Variants in DOCK1 observed in about 807,000 individuals in gnomAD.
DOCK1 encodes the protein dedicator of cytokinesis protein 1.
DOCK1 carries 138 observed loss-of-function variants against 262.7 expected under a neutral mutation model. The ratio of observed to expected loss-of-function variants is 0.53; its 90% CI spans 0.46 to 0.61. DOCK1 has a LOEUF of 0.61. Among genes scored for constraint, DOCK1 ranks in the 20% least tolerant of loss-of-function variants. The pLI is 0.00. For missense variants in DOCK1, 1,908 were observed against 2,370.7 expected, an observed-to-expected ratio of 0.80 and a Z score of 4.05; for synonymous variants, 866 against 867.4, an observed-to-expected ratio of 1.00 and a Z score of 0.03.
At chr10:127,216,232 T>C (rs1022914539) in intron 27 of DOCK1, among the ~76,000 whole-genome samples, 5 of 151,664 alleles carry the variant, frequency 3.3e-5, no homozygotes, top group African/African-American at 1.2e-4. Context: ...TCATTATATA[T>C]GCTTTTAAGT....
intron 33 of DOCK1, among the ~76,000 whole-genome samples, chr10:127,366,797 A>G (rs1367611118): frequency 6.6e-6 from 1 of 152,190 alleles, no homozygotes; most frequent in Non-Finnish European, 1.5e-5. Context: ...CTCCTCTGCC[A>G]TAAGCCCAGT....
intron 27 of DOCK1, chr10:127,135,471 C>T (rs1592156240): frequency 6.5e-6 from 1 of 152,710 alleles, no homozygotes; most frequent in Middle Eastern, 3.4e-3. Context: ...AAGAACTTAA[C>T]GACAAGTATA....
chr10:127,040,722 C>T (rs1485195630), intron 19 of DOCK1, among the ~76,000 whole-genome samples: 1 of 152,190 alleles, frequency 6.6e-6, no homozygotes, highest in Non-Finnish European at 1.5e-5. Context: ...GATGTCCTTG[C>T]TGTGTGATCA....
chr10:127,424,493 G>A (rs2068697195), intron 46 of DOCK1, among the ~76,000 whole-genome samples: 1 of 152,178 alleles, frequency 6.6e-6, no homozygotes, highest in African/African-American at 2.4e-5. Flanking sequence ...TAGGGTGGCT[G>A]TGCTTTCACC....
chr10:127,335,551 A>ATT (rs879722741), intron 29 of DOCK1, among the ~76,000 whole-genome samples: 2 of 133,196 alleles, frequency 1.5e-5, no homozygotes, highest in African/African-American at 5.4e-5. Context: ...TAACTAATAG[A>ATT]TTTTTTTTTT....
chr10:126,939,094 AG>A (rs1292042410), intron 1 of DOCK1, among the ~76,000 whole-genome samples: 2 of 150,630 alleles, frequency 1.3e-5, no homozygotes, highest in African/African-American at 4.9e-5. Context: ...CGAGCACCGG[AG>A]GGGATGAACA....
chr10:127,431,889 G>T (rs553450739), intron 47 of DOCK1, among the ~76,000 whole-genome samples: 1 of 152,180 alleles, frequency 6.6e-6, no homozygotes, highest in South Asian at 2.1e-4. Context: ...TCTGTGGCCC[G>T]TTAGGAACTG....
At chr10:127,137,564 T>G in intron 27 of DOCK1, 1 of 339,280 alleles carries the variant, frequency 2.9e-6, no homozygotes, top group Non-Finnish European at 5.3e-6. Context: ...GGGGGAAAAT[T>G]TTTACTTATC....
intron 23 of DOCK1, among the ~76,000 whole-genome samples, chr10:127,093,477 C>T (rs995214864): frequency 6.6e-6 from 1 of 151,534 alleles, no homozygotes; most frequent in African/African-American, 2.4e-5. Context: ...CTCAGCCTCC[C>T]AAGTAGCTGG....
chr10:127,133,448 G>A (rs765039686), intron 27 of DOCK1, among the ~76,000 whole-genome samples: 83 of 152,140 alleles, frequency 5.5e-4, no homozygotes, highest in Admixed American at 1.2e-3. Flanking sequence ...GTCTATAATT[G>A]TACTGTTTGC....
intron 12 of DOCK1, among the ~76,000 whole-genome samples, chr10:127,014,071 C>A (rs558287772): frequency 6.6e-6 from 1 of 152,266 alleles, no homozygotes; most frequent in East Asian, 1.9e-4. Context: ...TTTTTCACAC[C>A]TCTGTCCACA....
chr10:127,275,198 A>C (rs900526162), intron 29 of DOCK1, among the ~76,000 whole-genome samples: 1 of 152,132 alleles, frequency 6.6e-6, no homozygotes, highest in South Asian at 2.1e-4. Context: ...CTAGGGGTTT[A>C]GCAGTGGAAG....
chr10:127,221,638 G>A (rs190354331), intron 27 of DOCK1, among the ~76,000 whole-genome samples: 10 of 152,258 alleles, frequency 6.6e-5, no homozygotes, highest in East Asian at 1.9e-4. Context: ...GGTTGGAAAC[G>A]TGGATGTCCA....
intron 31 of DOCK1, among the ~76,000 whole-genome samples, chr10:127,351,902 T>C (rs1269121008): frequency 6.6e-6 from 1 of 151,848 alleles, no homozygotes; most frequent in Non-Finnish European, 1.5e-5. Flanking sequence ...CCCTCACAGC[T>C]CCCCACTCTT....
intron 29 of DOCK1, among the ~76,000 whole-genome samples, chr10:127,280,968 G>A (rs1009918701): frequency 4.6e-5 from 7 of 152,114 alleles, no homozygotes; most frequent in Non-Finnish European, 1.0e-4. Flanking sequence ...ACACTATTTA[G>A]TTTAGCGAGT....
At chr10:126,933,498 C>A (rs2034334251) in intron 1 of DOCK1, among the ~76,000 whole-genome samples, 1 of 152,160 alleles carries the variant, frequency 6.6e-6, no homozygotes, top group African/African-American at 2.4e-5. Flanking sequence ...GTAGAGCTCC[C>A]TGTACTTCCT....
chr10:126,912,497 C>CG lies in DOCK1; in HGVS notation c.46+6938dup, dbSNP rs1564978271. 5.3e-5 allele frequency among the ~76,000 whole-genome samples: 8 copies of CG among 151,150 alleles called. No homozygotes were observed. The South Asian group carries it at 1.3e-3, about 24-fold the overall frequency. ...ATCCTAGCACTTTGGGAGGCCAAGG[C>CG]GGGGAGATCACGAGGTCAGTAGATC... On this transcript the variant is annotated intron_variant, in intron 1 of 51. Coordinates refer to ENST00000623213, the MANE Select transcript of DOCK1 (RefSeq NM_001290223.2).
At chr10:127,188,799 A>T (rs1002760589) in intron 27 of DOCK1, among the ~76,000 whole-genome samples, 13 of 152,262 alleles carry the variant, frequency 8.5e-5, no homozygotes, top group Admixed American at 8.5e-4. Context: ...TGCTTTGTGT[A>T]TGTCTGAACC....
intron 1 of DOCK1, among the ~76,000 whole-genome samples, chr10:126,949,342 A>T (rs894038841): frequency 6.6e-6 from 1 of 152,080 alleles, no homozygotes. Context: ...TCTTGGTTGG[A>T]CATGTTGCTT....
Sources: allele counts gnomAD v4.1 joint callset (sites outside exome capture counted in the v4.1 genomes callset), GRCh38; gene constraint gnomAD v4.1.1; transcripts MANE v1.5; gene names NCBI Gene and HGNC (gene_info 2026-07-23, HGNC 2026-07-21).